SSPN: variants seen among roughly 807,000 people sequenced by gnomAD.
SSPN encodes sarcospan, also known as K-ras oncogene-associated protein.
A neutral mutation model predicts 19.1 loss-of-function variants in SSPN; 15 were observed. That is an observed-to-expected ratio of 0.78 (90% confidence interval 0.52 to 1.21). The LOEUF (loss-of-function observed/expected upper bound fraction) is 1.21. Among genes scored for constraint, SSPN ranks in the 50% most tolerant of loss-of-function variants. SSPN has a pLI of 0.00. For missense variants in SSPN, 291 were observed against 314.0 expected (o/e 0.93, Z 0.55); for synonymous variants, 147 against 140.3 (o/e 1.05, Z -0.34).
chr12:26,202,649 T>A (rs1369968961), intron 1 of SSPN, among the ~76,000 whole-genome samples: 1 of 152,232 alleles, frequency 6.6e-6, no homozygotes, highest in East Asian at 1.9e-4. Flanking sequence ...TCTTTCAGTG[T>A]GGTCTGAGAA....
intron 1 of SSPN, among the ~76,000 whole-genome samples, chr12:26,160,171 A>G (rs562462913): frequency 1.3e-5 from 2 of 152,360 alleles, no homozygotes; most frequent in East Asian, 3.9e-4. Context: ...GGTCCAGGCT[A>G]CAAGAGATAG....
intron 1 of SSPN, among the ~76,000 whole-genome samples, chr12:26,144,616 CAGGCAATGAAT>C (rs1370227094): frequency 6.6e-6 from 1 of 152,118 alleles, no homozygotes; most frequent in East Asian, 1.9e-4. Flanking sequence ...AGAACAAGAG[CAGGCAATGAAT>C]AGGATACAAC....
chr12:26,211,674 A>C (rs187688940), intron 1 of SSPN: 5 of 152,206 alleles, frequency 3.3e-5, no homozygotes, highest in Admixed American at 3.3e-4. Flanking sequence ...CTAATATCCT[A>C]TAAAGCAACA....
At chr12:26,191,905 A>C (rs1944791383), upstream of SSPN, among the ~76,000 whole-genome samples, 1 of 152,210 alleles carries the variant, frequency 6.6e-6, no homozygotes, top group Non-Finnish European at 1.5e-5. Context: ...TATGAAAAAG[A>C]CTTGATATAG....
chr12:26,194,467 C>T (rs947236918), upstream of SSPN, among the ~76,000 whole-genome samples: 1 of 152,186 alleles, frequency 6.6e-6, no homozygotes, highest in Non-Finnish European at 1.5e-5. Flanking sequence ...CTCACTACAA[C>T]CTCTGCCTCC....
At chr12:26,134,651 C>T (rs1944414988) in intron 1 of SSPN, among the ~76,000 whole-genome samples, 1 of 152,220 alleles carries the variant, frequency 6.6e-6, no homozygotes, top group Non-Finnish European at 1.5e-5. Context: ...ATAACCAAGC[C>T]ACATAACATT....
At chr12:26,124,750 C>T (rs1434744608) in intron 1 of SSPN, 2 of 1,614,126 alleles carry the variant, frequency 1.2e-6, no homozygotes, top group African/African-American at 1.3e-5. Flanking sequence ...GTAACTGTCT[C>T]TCTTGCAAAT....
At chr12:26,139,280 CA>C (rs1944446042) in intron 1 of SSPN, among the ~76,000 whole-genome samples, 1 of 152,124 alleles carries the variant, frequency 6.6e-6, no homozygotes, top group South Asian at 2.1e-4. Flanking sequence ...GTAATTCTGA[CA>C]TTAATGTTGA....
chr12:26,133,410 C>T (rs945924919), intron 1 of SSPN, among the ~76,000 whole-genome samples: 2 of 152,154 alleles, frequency 1.3e-5, no homozygotes, highest in African/African-American at 4.8e-5. Context: ...CCAGACCAGG[C>T]CCCCATAATC....
chr12:26,199,388 A>G (rs1358406168), intron 1 of SSPN, among the ~76,000 whole-genome samples: 4 of 152,230 alleles, frequency 2.6e-5, no homozygotes, highest in Non-Finnish European at 5.9e-5. Context: ...AAGGGGGGAA[A>G]AAAACCCAGA....
chr12:26,229,436 G>A (rs1945208526), intron 2 of SSPN, among the ~76,000 whole-genome samples: 1 of 152,204 alleles, frequency 6.6e-6, no homozygotes, highest in Non-Finnish European at 1.5e-5. Context: ...TGTAAATACA[G>A]CATTCCAAAT....
In SSPN at chr12:26,137,657, T is replaced by TATATATATATATATATATATATA. The variant is rs35203550; in HGVS notation, c.-31+15505_-31+15506insATATATATATATATATATATATA. Among the ~76,000 whole-genome samples, 11 of 32,170 alleles carry TATATATATATATATATATATATA rather than the reference T, an allele frequency of 3.4e-4. 1 individual carries two copies. Among genetic ancestry groups the TATATATATATATATATATATATA allele is most frequent in the African/African-American group, 1.4e-3 (9 of 6,534 alleles). 21.1% of individuals were successfully genotyped at this position (32,170 alleles called of 152,430 possible). On this transcript the variant is annotated intron_variant, in intron 1 of 2. Transcript: ENST00000538142. Reference sequence around the variant, plus strand: ...GTATGTATATATATATATATATATATTTTTTTTTTTTTTTTTTTTTTTTTT... The same window carrying TATATATATATATATATATATATA: ...GTATGTATATATATATATATATATATATATATATATATATATATATATATTTTTTTTTTTTTTTTTTTTTTTTT...
intron 1 of SSPN, among the ~76,000 whole-genome samples, chr12:26,220,973 T>C (rs1945114768): frequency 6.6e-6 from 1 of 152,162 alleles, no homozygotes; most frequent in Admixed American, 6.5e-5. Context: ...CAAGAATTGC[T>C]CCCATCCAAT....
chr12:26,149,926 T>G (rs1019125263), intron 1 of SSPN, among the ~76,000 whole-genome samples: 3 of 152,054 alleles, frequency 2.0e-5, no homozygotes, highest in Non-Finnish European at 2.9e-5. Flanking sequence ...TAAGGAGAGG[T>G]TCTAGAATTT....
intron 1 of SSPN, among the ~76,000 whole-genome samples, chr12:26,165,557 C>T (rs919146200): frequency 5.9e-5 from 9 of 152,184 alleles, no homozygotes; most frequent in African/African-American, 2.2e-4. Flanking sequence ...GCTATTGTGC[C>T]TCACACAGTG....
chr12:26,153,248 G>T (rs937791425), intron 1 of SSPN, among the ~76,000 whole-genome samples: 1 of 152,156 alleles, frequency 6.6e-6, no homozygotes, highest in Non-Finnish European at 1.5e-5. Flanking sequence ...AGGATCAAAC[G>T]AGTTAATATA....
chr12:26,149,509 G>C (rs912013320), intron 1 of SSPN, among the ~76,000 whole-genome samples: 1 of 152,130 alleles, frequency 6.6e-6, no homozygotes, highest in Non-Finnish European at 1.5e-5. Flanking sequence ...TTTCCCTAGT[G>C]CTCCCCTGTG....
chr12:26,203,155 G>A (rs1944901351), intron 1 of SSPN, among the ~76,000 whole-genome samples: 2 of 152,020 alleles, frequency 1.3e-5, no homozygotes, highest in South Asian at 4.2e-4. Context: ...CAACACATGG[G>A]GATTACAATT....
chr12:26,230,425 A>G (rs1945217458), intron 2 of SSPN, among the ~76,000 whole-genome samples: 1 of 152,220 alleles, frequency 6.6e-6, no homozygotes, highest in Non-Finnish European at 1.5e-5. Flanking sequence ...GGCAATATCT[A>G]GACAAAAACA....
Sources: allele counts gnomAD v4.1 joint callset (sites outside exome capture counted in the v4.1 genomes callset), GRCh38; gene constraint gnomAD v4.1.1; transcripts MANE v1.5; gene names NCBI Gene and HGNC (gene_info 2026-07-23, HGNC 2026-07-21).